GRM7: variants seen among roughly 807,000 people sequenced by gnomAD.
The protein encoded by GRM7 is glutamate metabotropic receptor 7, also known as metabotropic glutamate receptor 7.
GRM7 carries 35 observed loss-of-function variants against 84.5 expected under a neutral mutation model. The observed-to-expected ratio is 0.41, with a 90% CI of 0.32 to 0.55. GRM7 has a LOEUF of 0.55. GRM7 is among the 20% of genes least tolerant of loss of function. The pLI is 0.19. For synonymous variants in GRM7, 487 were observed against 455.1 expected (o/e 1.07, Z -0.89); for missense variants, 1,003 against 1,194.6 (o/e 0.84, Z 2.36).
chr3:7,573,724 A>G (rs1170715713), intron 7 of GRM7, among the ~76,000 whole-genome samples: 1 of 152,210 alleles, frequency 6.6e-6, no homozygotes, highest in Admixed American at 6.5e-5. Flanking sequence ...AGTCAGAAGC[A>G]ATGGAGTCAA....
At chr3:7,636,942 A>G (rs949956826) in intron 8 of GRM7, among the ~76,000 whole-genome samples, 1 of 152,188 alleles carries the variant, frequency 6.6e-6, no homozygotes, top group African/African-American at 2.4e-5. Context: ...TATTTCCTCA[A>G]AAAGCATACC....
In GRM7 at chr3:7,185,893, T is replaced by C. The variant is rs192179906; in HGVS notation, c.736+39225T>C. 1.7e-4 allele frequency among the ~76,000 whole-genome samples: 26 copies of C among 152,362 alleles called. No homozygotes were observed. The Middle Eastern group carries it at 0.01, about 60-fold the overall frequency. The stretch of plus-strand genomic sequence containing the variant: ...GTTTAAATATCTGTGGTTACATCCA[T>C]ATACTTTACCCAGAAATTGAGCAAA... On this transcript the variant is annotated intron_variant, in intron 2 of 9. Transcript: ENST00000357716.
rs1394401991 is a variant in GRM7, at chr3:6,863,828, T to C, written c.519+1921T>C. ...GTATTTTAAAATTATTTTGCCTGTT[T>C]CTTCACTCACCCTGGGCAGTACTGC... On this transcript the variant is annotated intron_variant, in intron 1 of 9. Transcript: ENST00000357716. The surrounding 1 kb of genome is among the most constrained non-coding windows in gnomAD (Gnocchi z 4.8). Among the ~76,000 whole-genome samples, 2 of 152,192 alleles carry C rather than the reference T, an allele frequency of 1.3e-5. No homozygotes were observed. The highest frequency in any genetic ancestry group is 2.9e-5 in the Non-Finnish European group (2 of 68,036).
At chr3:6,939,624 A>G (rs996101732) in intron 1 of GRM7, among the ~76,000 whole-genome samples, 4 of 152,206 alleles carry the variant, frequency 2.6e-5, no homozygotes, top group African/African-American at 9.6e-5. Flanking sequence ...AAAGCTCCAC[A>G]GTAGGCAATT....
At chr3:7,023,561 A>G (rs561415085) in intron 1 of GRM7, among the ~76,000 whole-genome samples, 1 of 152,110 alleles carries the variant, frequency 6.6e-6, no homozygotes, top group Non-Finnish European at 1.5e-5. Flanking sequence ...GGTTACAACA[A>G]TGGAAGTTTA....
At chr3:6,960,517 A>G (rs1026963319) in intron 1 of GRM7, among the ~76,000 whole-genome samples, 11 of 152,186 alleles carry the variant, frequency 7.2e-5, no homozygotes, top group Non-Finnish European at 1.2e-4. Flanking sequence ...TGTAACCACC[A>G]AAAAATCCAA....
chr3:7,441,502 A>C (rs1297948040), intron 5 of GRM7, among the ~76,000 whole-genome samples: 1 of 152,066 alleles, frequency 6.6e-6, no homozygotes, highest in Non-Finnish European at 1.5e-5. Flanking sequence ...TAAATAGGTC[A>C]CATTTGTCAA....
chr3:7,204,276 A>G (rs1036654772), intron 2 of GRM7, among the ~76,000 whole-genome samples: 4 of 152,094 alleles, frequency 2.6e-5, no homozygotes, highest in Non-Finnish European at 5.9e-5. Flanking sequence ...AGAGGAGGAG[A>G]GATGATCTCT....
chr3:7,404,693 T>C (rs916625834), intron 4 of GRM7, among the ~76,000 whole-genome samples: 24 of 152,130 alleles, frequency 1.6e-4, no homozygotes, highest in African/African-American at 5.1e-4. Context: ...GTGTTCCAGA[T>C]ACTGTCCCTT....
intron 4 of GRM7, among the ~76,000 whole-genome samples, chr3:7,317,868 A>G (rs922923442): frequency 1.3e-5 from 2 of 152,082 alleles, no homozygotes; most frequent in Non-Finnish European, 2.9e-5. Context: ...TCTTGAAGTT[A>G]TGGGTACAAA....
intron 1 of GRM7, among the ~76,000 whole-genome samples, chr3:6,952,272 A>T (rs1045190547): frequency 1.3e-5 from 2 of 152,164 alleles, no homozygotes; most frequent in Non-Finnish European, 2.9e-5. Flanking sequence ...CCCATGAATT[A>T]TGAGGTTTTC....
At chr3:7,117,301 CCTTT>C (rs1428707385) in intron 1 of GRM7, among the ~76,000 whole-genome samples, 2 of 152,140 alleles carry the variant, frequency 1.3e-5, no homozygotes, top group Admixed American at 6.6e-5. Flanking sequence ...TTTTCCTTTC[CCTTT>C]CTTTTCTGAA....
intron 4 of GRM7, among the ~76,000 whole-genome samples, chr3:7,307,724 A>G (rs1433313153): frequency 1.3e-5 from 2 of 152,186 alleles, no homozygotes; most frequent in Non-Finnish European, 2.9e-5. Flanking sequence ...ACCCAGACCA[A>G]TGCATTTGCA....
At chr3:6,864,510 A>T (rs1198241244) in intron 1 of GRM7, among the ~76,000 whole-genome samples, 3 of 152,174 alleles carry the variant, frequency 2.0e-5, no homozygotes, top group African/African-American at 7.2e-5. Context: ...GAGAAAAAGG[A>T]TATAGTGAAT....
chr3:7,567,278 T>C (rs756919924), intron 7 of GRM7, among the ~76,000 whole-genome samples: 29 of 152,320 alleles, frequency 1.9e-4, no homozygotes, highest in Middle Eastern at 6.8e-3. Context: ...TAATAGAGTA[T>C]AACTAAGCAT....
At chr3:7,553,510 C>G (rs997825406) in intron 7 of GRM7, among the ~76,000 whole-genome samples, 1 of 152,100 alleles carries the variant, frequency 6.6e-6, no homozygotes, top group African/African-American at 2.4e-5. Context: ...CTTCCCGAGA[C>G]TGGGTAATTT....
intron 8 of GRM7, among the ~76,000 whole-genome samples, chr3:7,618,528 T>C (rs1211550226): frequency 6.6e-6 from 1 of 152,132 alleles, no homozygotes; most frequent in African/African-American, 2.4e-5. Context: ...TTATTGTTAT[T>C]ATTTGTGTTT....
At chr3:7,257,691 T>C (rs148173702) in intron 2 of GRM7, among the ~76,000 whole-genome samples, 4 of 152,284 alleles carry the variant, frequency 2.6e-5, no homozygotes, top group African/African-American at 7.2e-5. Context: ...CAAAAATAAT[T>C]ACTGCTTTTG....
At chr3:7,340,073 A>T (rs1283616161) in intron 4 of GRM7, among the ~76,000 whole-genome samples, 1 of 152,142 alleles carries the variant, frequency 6.6e-6, no homozygotes, top group Non-Finnish European at 1.5e-5. Flanking sequence ...GAGCTCTTAT[A>T]TGTTGAATAT....
Sources: allele counts gnomAD v4.1 joint callset (sites outside exome capture counted in the v4.1 genomes callset), GRCh38; gene constraint gnomAD v4.1.1; non-coding constraint Gnocchi (gnomAD v3.1); transcripts MANE v1.5; gene names NCBI Gene and HGNC (gene_info 2026-07-23, HGNC 2026-07-21).